The following MAST1 variants were observed in gnomAD, a reference collection of about 807,000 sequenced individuals.
MAST1 encodes the protein microtubule associated serine/threonine kinase 1, also known as microtubule-associated serine/threonine-protein kinase 1.
A neutral mutation model predicts 124.6 loss-of-function variants in MAST1; 40 were observed. The ratio of observed to expected loss-of-function variants is 0.32; its 90% CI spans 0.25 to 0.42. The LOEUF (loss-of-function observed/expected upper bound fraction) is 0.42. MAST1 is among the 10% of genes least tolerant of loss of function. The pLI, the probability that MAST1 is intolerant of heterozygous loss-of-function variation, is 1.00. For synonymous variants in MAST1, 938 were observed against 939.4 expected, an observed-to-expected ratio of 1.00 and a Z score of 0.03; for missense variants, 1,558 against 2,181.9, an observed-to-expected ratio of 0.71 and a Z score of 5.70.
rs538935750 is a variant in MAST1 at position 12,838,883 on chromosome 19, C to A, written c.83+228C>A. On this transcript the variant is annotated intron_variant, in intron 1 of 25. Transcript: ENST00000251472. The surrounding 1 kb of genome is among the most constrained non-coding windows in gnomAD (Gnocchi z 4.3). Reference sequence around the variant, plus strand: ...GCCGCGGGGGGAGGGGGCTGCGCCACTGGGGGTTTGTGGCGCCTTTGTCTG... The same window carrying A: ...GCCGCGGGGGGAGGGGGCTGCGCCAATGGGGGTTTGTGGCGCCTTTGTCTG... Among the ~76,000 whole-genome samples, 1 of 151,266 alleles carries A rather than the reference C, an allele frequency of 6.6e-6. No homozygotes were observed. The highest frequency in any genetic ancestry group is 1.5e-5 in the Non-Finnish European group (1 of 67,770).
rs768545896 is a variant in MAST1, at chr19:12,874,522, G to A, written c.4365G>A (p.Ala1455=). The change falls in exon 26 of 26, where the codon GCG becomes GCA. Residue 1455 remains alanine (A), a synonymous_variant. Transcript: ENST00000251472. The surrounding 1 kb of genome is among the most constrained non-coding windows in gnomAD (Gnocchi z 6.6). ...CTGTGGTGCCTCAGCCTCTGGGCGC[G>A]GACTCCAAGGGGTTGCAGGAACCCG... The part of the protein sequence containing the change: ...AKAVVPQPLG[A]DSKGLQEPAP... The A allele has an allele frequency of 3.1e-5, 47 of 1,525,730 alleles. No homozygotes were observed. Among genetic ancestry groups the A allele is most frequent in the Middle Eastern group, 3.5e-4 (2 of 5,732 alleles). 94.5% of individuals were successfully genotyped at this position (1,525,730 alleles called of 1,614,324 possible).
In MAST1 at chr19:12,866,686, A is replaced by G. The variant is rs61737540; in HGVS notation, c.2063A>G (p.Tyr688Cys). 11 of 1,613,818 alleles carry G rather than the reference A, an allele frequency of 6.8e-6. No homozygotes were observed. The highest frequency in any genetic ancestry group is 8.5e-7 in the Non-Finnish European group (1 of 1,179,962). The change falls in exon 18 of 26, where the codon TAT becomes TGT. Residue 688 changes from tyrosine to cysteine, a missense_variant. Physicochemically the swap from Tyr to Cys is radical, Grantham distance 194 (BLOSUM62 -2). Around this residue, in one of 10 missense-constraint regions of MAST1, gnomAD observed 287 missense variants for 308.0 expected, o/e 0.93. Coordinates refer to ENST00000251472, the MANE Select transcript of MAST1 (RefSeq NM_014975.3). The surrounding 1 kb of genome is among the most constrained non-coding windows in gnomAD (Gnocchi z 5.2). Reference protein sequence around the residue: ...RSDRYHHVNSYDEDDTTEEEP... With the variant: ...RSDRYHHVNSCDEDDTTEEEP... ...GACAGGTATCACCACGTGAACTCCT[A>G]TGACGAGGATGACACGACGGAGGAG...
intron 12 of MAST1, among the ~76,000 whole-genome samples, chr19:12,861,694 C>CTTTA (rs1401312406): frequency 1.3e-5 from 2 of 148,414 alleles, no homozygotes; most frequent in Non-Finnish European, 3.0e-5. Context: ...TTCTTTCTTT[C>CTTTA]TTTCTTTCTT....
At position 12,868,674 on chromosome 19, in the gene MAST1, A is replaced by G. The variant is rs780488489; in HGVS notation, c.2598A>G (p.Pro866=). ...GTCCACGCCCAGGTGACCTCTGCCCACCCTCGAAGGATGGGGATGCATCAG... is the reference window on the plus strand; with the variant it reads ...GTCCACGCCCAGGTGACCTCTGCCCGCCCTCGAAGGATGGGGATGCATCAG... ...TDRPRPGDLC[P]PSKDGDASGP... is the part of the protein sequence containing the mutation. Residue 866 remains proline (P), a synonymous_variant, in exon 21 of 26, where the codon CCA becomes CCG. Transcript: ENST00000251472. 2 of 1,607,332 alleles carry G rather than the reference A, an allele frequency of 1.2e-6. No homozygotes were observed. The highest frequency in any genetic ancestry group is 1.7e-6 in the Non-Finnish European group (2 of 1,175,608).
intron 20 of MAST1, among the ~76,000 whole-genome samples, chr19:12,868,389 G>A (rs987767800): frequency 6.6e-6 from 1 of 151,858 alleles, no homozygotes; most frequent in Non-Finnish European, 1.5e-5. Context: ...GGTTACAGTC[G>A]TGAGCCACCA....
chr19:12,852,442 C>A, intron 10 of MAST1, 47 bp downstream of exon 10: 23 of 1,478,468 alleles, frequency 1.6e-5, no homozygotes, highest in Non-Finnish European at 2.1e-5. Flanking sequence ...CCTGGGAGGG[C>A]AGGGTGGGGC....
At chr19:12,862,435 G>A (rs1056705730) in intron 12 of MAST1, among the ~76,000 whole-genome samples, 4 of 152,152 alleles carry the variant, frequency 2.6e-5, no homozygotes, top group African/African-American at 9.7e-5. Flanking sequence ...TGAAACTACA[G>A]GCAGGCACCA....
At position 12,865,948 on chromosome 19, in the gene MAST1, A is replaced by G. The variant is rs376364222; in HGVS notation, c.1907-32A>G. The G allele has an allele frequency of 6.2e-6, 10 of 1,612,572 alleles. No homozygotes were observed. The highest frequency in any genetic ancestry group is 5.9e-6 in the Non-Finnish European group (7 of 1,179,690). ...GCGGGGCTGGGCTGCTGGGTTGGCC[A>G]TCAGCTGTGGCTGGAATCCCTTCCG... On this transcript the variant is annotated intron_variant, in intron 16 of 25. Transcript: ENST00000251472. This position sits in a 1 kb window ranked among gnomAD's most constrained non-coding sequence, Gnocchi z 7.1.
Position 12,873,823 on chromosome 19 carries a change from G to A in MAST1, c.3666G>A (p.Pro1222=), listed in dbSNP as rs1411639410. 2 of 1,593,190 alleles carry A rather than the reference G, an allele frequency of 1.3e-6. No homozygotes were observed. Among genetic ancestry groups the A allele is most frequent in the Non-Finnish European group, 8.5e-7 (1 of 1,176,796 alleles). Residue 1222 remains proline, a synonymous_variant, in exon 26 of 26, where the codon CCG becomes CCA. Coordinates refer to ENST00000251472, the MANE Select transcript of MAST1 (RefSeq NM_014975.3). The part of the protein sequence containing the change: ...SPTQASPPPL[P]GHTVGSSHTT... ...CGCAGGCGTCACCGCCGCCACTGCC[G>A]GGCCACACGGTGGGCAGCTCGCACA...
At position 12,866,200 on chromosome 19, in the gene MAST1, C is replaced by T. The variant is rs1244646701; in HGVS notation, c.2029+98C>T. On this transcript the variant is annotated intron_variant, in intron 17 of 25. Coordinates refer to ENST00000251472, the MANE Select transcript of MAST1 (RefSeq NM_014975.3). The surrounding 1 kb of genome is among the most constrained non-coding windows in gnomAD (Gnocchi z 5.2). ...GCCTGGGATAGGGCCTGGCTAAGTA[C>T]CAAGATGTGATGCCTAGGTGCGAAG... The T allele has an allele frequency of 2.4e-5, 36 of 1,514,852 alleles. No individual in the cohort carries two copies. Among genetic ancestry groups the T allele is most frequent in the Non-Finnish European group, 3.1e-5 (35 of 1,130,238 alleles). The allele number at this position is 1,514,852 out of a possible 1,614,324, so 93.8% of individuals were successfully genotyped here. A position where few individuals can be genotyped will look rare whatever the true frequency, so the allele number is the denominator to read the frequency against.
intron 3 of MAST1, among the ~76,000 whole-genome samples, chr19:12,842,589 G>A (rs920195337): frequency 1.3e-5 from 2 of 152,154 alleles, no homozygotes; most frequent in African/African-American, 4.8e-5. Context: ...CACCGCGCCC[G>A]TCCAGTTTAC....
chr19:12,872,987 AAG>A (rs1970256535), intron 24 of MAST1, among the ~76,000 whole-genome samples: 1 of 151,606 alleles, frequency 6.6e-6, no homozygotes, highest in Non-Finnish European at 1.5e-5. Context: ...GCGGGGCCTG[AAG>A]TAGGAGGAGC....
chr19:12,866,863 C>CG lies in MAST1; in HGVS notation c.2139+104dup, dbSNP rs758968270. On this transcript the variant is annotated intron_variant, in intron 18 of 25. Transcript: ENST00000251472. This position sits in a 1 kb window ranked among gnomAD's most constrained non-coding sequence, Gnocchi z 5.2. ...TCCCTGGTGCCCAAGGTCTCAGGAGCGGGAAGTTATTGATGGGGCGGGAGT... is the reference window on the plus strand; with the variant it reads ...TCCCTGGTGCCCAAGGTCTCAGGAGCGGGGAAGTTATTGATGGGGCGGGAGT... The CG allele has an allele frequency of 4.9e-5, 49 of 1,008,296 alleles. No homozygotes were observed. The highest frequency in any genetic ancestry group is 6.9e-5 in the Non-Finnish European group (46 of 667,420). 62.5% of individuals were successfully genotyped at this position (1,008,296 alleles called of 1,614,324 possible).
chr19:12,862,744 C>T (rs1407520379), intron 12 of MAST1, among the ~76,000 whole-genome samples: 4 of 151,090 alleles, frequency 2.6e-5, no homozygotes, highest in East Asian at 3.9e-4. Context: ...CTTGGCTCAC[C>T]GCAACCTCCT....
intron 12 of MAST1, among the ~76,000 whole-genome samples, chr19:12,863,074 G>C (rs1382666343): frequency 2.7e-5 from 4 of 150,820 alleles, no homozygotes; most frequent in African/African-American, 7.3e-5. Flanking sequence ...TCTTGAACCC[G>C]GGGGCGGTGA....
In MAST1 at chr19:12,865,193, A is replaced by G. The variant is rs763339268; in HGVS notation, c.1638+15A>G. 5.6e-6 allele frequency: 9 copies of G among 1,612,434 alleles called. No homozygotes were observed. The highest frequency in any genetic ancestry group is 7.6e-6 in the Non-Finnish European group (9 of 1,179,052). ...TGGACAAACAGGTGTGTGTGCGGGCATGGGGGTCGCTGAGGGTGGAGTGAC... is the reference window on the plus strand; with the variant it reads ...TGGACAAACAGGTGTGTGTGCGGGCGTGGGGGTCGCTGAGGGTGGAGTGAC... On this transcript the variant is annotated intron_variant, in intron 14 of 25. Transcript: ENST00000251472. The surrounding 1 kb of genome is among the most constrained non-coding windows in gnomAD (Gnocchi z 7.1).
chr19:12,853,871 AAATAAT>A (rs58815071), intron 10 of MAST1, among the ~76,000 whole-genome samples: 82,773 of 142,592 alleles, frequency 0.58, 24,786 homozygotes, highest in East Asian at 0.86. Context: ...CTCTGTCTCA[AAATAAT>A]AATAATAATA....
intron 22 of MAST1, among the ~76,000 whole-genome samples, chr19:12,869,537 C>T (rs1970205106): frequency 6.6e-6 from 1 of 152,104 alleles, no homozygotes; most frequent in Admixed American, 6.5e-5. Flanking sequence ...GAGTTCAAGC[C>T]ATTCTCCTGC....
chr19:12,859,844 AG>A (rs1970058894), intron 12 of MAST1, among the ~76,000 whole-genome samples: 1 of 145,354 alleles, frequency 6.9e-6, no homozygotes, highest in South Asian at 2.2e-4. Context: ...AAAAAAAAAA[AG>A]TTTTTTGTTT....
Sources: allele counts gnomAD v4.1 joint callset (sites outside exome capture counted in the v4.1 genomes callset), GRCh38; gene constraint gnomAD v4.1.1; regional missense constraint gnomAD v4.1.1; non-coding constraint Gnocchi (gnomAD v3.1); transcripts MANE v1.5; gene names NCBI Gene and HGNC (gene_info 2026-07-23, HGNC 2026-07-21).